Variants in MTX2 observed in about 807,000 individuals in gnomAD.
MTX2 encodes metaxin-2.
Under a neutral mutation model 42.3 loss-of-function variants are expected in MTX2, and 35 were observed. That is an observed-to-expected ratio of 0.83 (90% CI 0.63 to 1.10). The LOEUF (loss-of-function observed/expected upper bound fraction) is 1.10. MTX2 is among the 50% of genes least tolerant of loss of function. MTX2 has a pLI of 0.00. For missense variants in MTX2, 307 were observed against 304.1 expected (o/e 1.01, Z -0.07); for synonymous variants, 119 against 100.9 (o/e 1.18, Z -1.08).
intron 2 of MTX2, among the ~76,000 whole-genome samples, 171 bp from the exon 3 acceptor site, chr2:176,297,678 T>C (rs1683921359): frequency 6.6e-6 from 1 of 152,138 alleles, no homozygotes; most frequent in African/African-American, 2.4e-5. Flanking sequence ...ACTGTCCTAG[T>C]TTATCATTAT....
intron 1 of MTX2, among the ~76,000 whole-genome samples, chr2:176,295,414 T>C (rs1683836908): frequency 6.6e-6 from 1 of 152,198 alleles, no homozygotes; most frequent in Admixed American, 6.5e-5. Flanking sequence ...AAAACTGTTA[T>C]ACAAGTTAAT....
intron 3 of MTX2, among the ~76,000 whole-genome samples, chr2:176,308,326 G>T (rs143874563): frequency 2.6e-5 from 4 of 152,074 alleles, no homozygotes; most frequent in African/African-American, 7.2e-5. Context: ...GAGGATTTTC[G>T]CATTGATGTT....
At chr2:176,273,198 C>T (rs866217547) in intron 1 of MTX2, among the ~76,000 whole-genome samples, 2 of 152,208 alleles carry the variant, frequency 1.3e-5, no homozygotes, top group African/African-American at 4.8e-5. Context: ...ATGATCTAGT[C>T]ATCTCTTAAC....
intron 1 of MTX2, among the ~76,000 whole-genome samples, chr2:176,288,408 GC>G (rs1446125740): frequency 1.3e-5 from 2 of 151,820 alleles, no homozygotes; most frequent in Non-Finnish European, 2.9e-5. Flanking sequence ...TGTGTGTCTT[GC>G]AGTAACTTGT....
In MTX2 at chr2:176,289,500, C is replaced by T. The variant is rs139923076; in HGVS notation, c.41-7360C>T. On this transcript the variant is annotated intron_variant, in intron 1 of 9. Transcript: ENST00000249442. ...AAAGAACTAACTGGACTTTTAATAA[C>T]TAATTGGATATGCACTTAGTTATGA... 3.8e-3 allele frequency among the ~76,000 whole-genome samples: 573 copies of T among 152,132 alleles called. 6 individuals carry two copies. The highest frequency in any genetic ancestry group is 0.036 in the East Asian group (186 of 5,186).
At chr2:176,311,715 C>T (rs572870129) in intron 3 of MTX2, among the ~76,000 whole-genome samples, 19 of 152,334 alleles carry the variant, frequency 1.2e-4, no homozygotes, top group African/African-American at 3.4e-4. Context: ...GAGCCAGGCA[C>T]GGGAGAGAAT....
In MTX2 at chr2:176,310,000, C is replaced by G. The variant is rs550529202; in HGVS notation, c.135+12105C>G. ...AATTAATGCAGTTTCTTCGTAACAT[C>G]GATGGTCTTTACAGTTTGGCCTGTT... On this transcript the variant is annotated intron_variant, in intron 3 of 9. Coordinates refer to ENST00000249442, the MANE Select transcript of MTX2 (RefSeq NM_006554.5). 3.3e-5 allele frequency among the ~76,000 whole-genome samples: 5 copies of G among 152,160 alleles called. No individual in the cohort carries two copies. In the East Asian group the frequency reaches 9.7e-4, roughly 29 times the overall value.
intron 1 of MTX2, among the ~76,000 whole-genome samples, chr2:176,280,367 C>T (rs920528256): frequency 2.0e-5 from 3 of 152,182 alleles, no homozygotes; most frequent in African/African-American, 7.2e-5. Context: ...AATTCTGAGG[C>T]TTCAGATGAG....
chr2:176,328,197 G>A (rs1253954472), intron 5 of MTX2, 96 bp from the exon 6 acceptor site: 4 of 666,398 alleles, frequency 6.0e-6, no homozygotes, highest in Non-Finnish European at 9.6e-6. Context: ...TTAATTCATT[G>A]TATAGTTGCA....
At chr2:176,315,578 G>A (rs760252842) in intron 3 of MTX2, among the ~76,000 whole-genome samples, 20 of 152,098 alleles carry the variant, frequency 1.3e-4, no homozygotes, top group Non-Finnish European at 2.4e-4. Flanking sequence ...TGAAGGGTTC[G>A]GTCAGATTAC....
At chr2:176,326,761 T>A (rs756753404) in intron 4 of MTX2, 64 bp from the exon 5 acceptor site, 45 of 1,045,808 alleles carry the variant, frequency 4.3e-5, no homozygotes, top group Admixed American at 1.4e-4. Context: ...TAATTTTTTT[T>A]AATTATCACA....
At chr2:176,308,446 GA>G (rs1470975982) in intron 3 of MTX2, among the ~76,000 whole-genome samples, 1 of 151,018 alleles carries the variant, frequency 6.6e-6, no homozygotes, top group Non-Finnish European at 1.5e-5. Context: ...TCCCTGTTTG[GA>G]ATAGTTTGAG....
chr2:176,285,992 A>T (rs1426109435), intron 1 of MTX2, among the ~76,000 whole-genome samples: 1 of 152,204 alleles, frequency 6.6e-6, no homozygotes, highest in African/African-American at 2.4e-5. Flanking sequence ...GCAACGTGTG[A>T]GAATTTTTGA....
Position 176,337,559 on chromosome 2 carries a change from T to C in MTX2, c.687T>C (p.Asn229=), listed in dbSNP as rs750461679. 2.5e-6 allele frequency: 4 copies of C among 1,613,446 alleles called. No homozygotes were observed. In the South Asian group the frequency reaches 3.3e-5, roughly 13 times the overall value. ...LYTILTTQLT[N]DELSEKVKNY... ...CCATTCTTACCACACAATTGACAAA[T>C]GATGAACTTTCTGAGAAGGTGAAAA... The change falls in exon 10 of 10, where the codon AAT becomes AAC. Residue 229 remains asparagine, a synonymous_variant. Transcript: ENST00000249442.
At chr2:176,295,093 A>C (rs914713961) in intron 1 of MTX2, among the ~76,000 whole-genome samples, 3 of 152,162 alleles carry the variant, frequency 2.0e-5, no homozygotes, top group African/African-American at 7.2e-5. Flanking sequence ...ATTAACATCA[A>C]CTGTATGCAA....
At chr2:176,316,457 A>G (rs1684441176) in intron 3 of MTX2, among the ~76,000 whole-genome samples, 1 of 152,090 alleles carries the variant, frequency 6.6e-6, no homozygotes, top group African/African-American at 2.4e-5. Context: ...GCTAGAGTGC[A>G]GTGGTGTGAT....
Position 176,317,046 on chromosome 2 carries a change from A to C in MTX2, c.136-6346A>C, listed in dbSNP as rs1156663686. On this transcript the variant is annotated intron_variant, in intron 3 of 9. Coordinates refer to ENST00000249442, the MANE Select transcript of MTX2 (RefSeq NM_006554.5). ...TGACTAAGTGTCTTTTTTAAAAAAA[A>C]AAAAACAAAAACTTTTATTTTCAGA... Among the ~76,000 whole-genome samples the C allele has an allele frequency of 3.3e-5, 5 of 151,514 alleles. No individual in the cohort carries two copies. The South Asian group carries it at 8.3e-4, about 25-fold the overall frequency.
intron 9 of MTX2, among the ~76,000 whole-genome samples, chr2:176,333,004 C>T (rs1439597108): frequency 6.6e-6 from 1 of 151,078 alleles, no homozygotes; most frequent in Non-Finnish European, 1.5e-5. Flanking sequence ...GTTATGAAAA[C>T]GTTGAATTTT....
intron 3 of MTX2, among the ~76,000 whole-genome samples, chr2:176,309,991 TC>T (rs1684260755): frequency 1.3e-5 from 2 of 151,070 alleles, no homozygotes; most frequent in African/African-American, 4.9e-5. Flanking sequence ...TGCAGTTTCT[TC>T]GTAACATCGA....
Sources: allele counts gnomAD v4.1 joint callset (sites outside exome capture counted in the v4.1 genomes callset), GRCh38; gene constraint gnomAD v4.1.1; transcripts MANE v1.5; gene names NCBI Gene and HGNC (gene_info 2026-07-23, HGNC 2026-07-21).